Variants in PKHD1 observed in about 807,000 individuals in gnomAD.
PKHD1 encodes the protein PKHD1 ciliary IPT domain containing fibrocystin/polyductin.
In PKHD1, 291 loss-of-function variants were observed where a neutral mutation model predicts 412.0. The ratio of observed to expected loss-of-function variants is 0.71; its 90% CI spans 0.64 to 0.78. The LOEUF is 0.78. Ranked by LOEUF, PKHD1 falls within the 30% of genes least tolerant of loss-of-function variation. The pLI is 0.00. For synonymous variants in PKHD1, 1,777 were observed against 1,821.5 expected, an observed-to-expected ratio of 0.98 and a Z score of 0.62; for missense variants, 4,825 against 4,950.7, an observed-to-expected ratio of 0.97 and a Z score of 0.76.
chr6:51,868,496 G>A (rs1174771739), intron 47 of PKHD1, among the ~76,000 whole-genome samples: 2 of 152,118 alleles, frequency 1.3e-5, no homozygotes, highest in East Asian at 3.8e-4. Context: ...AACCAGAGAT[G>A]CTGCTAAATA....
At chr6:52,018,007 G>C (rs1303389419) in intron 33 of PKHD1, among the ~76,000 whole-genome samples, 2 of 152,102 alleles carry the variant, frequency 1.3e-5, no homozygotes, top group Non-Finnish European at 2.9e-5. Flanking sequence ...ACAAGAGATT[G>C]AGTTTTCCTT....
intron 40 of PKHD1, among the ~76,000 whole-genome samples, chr6:51,908,407 C>T (rs1015520386): frequency 6.6e-6 from 1 of 152,028 alleles, no homozygotes; most frequent in Non-Finnish European, 1.5e-5. Context: ...ACCTCTGAAC[C>T]CCTGGGGCAC....
At chr6:52,063,564 T>C (rs1173459499) in intron 13 of PKHD1, among the ~76,000 whole-genome samples, 3 of 152,236 alleles carry the variant, frequency 2.0e-5, no homozygotes, top group Non-Finnish European at 2.9e-5. Context: ...AGTAAGAGCA[T>C]ATTTTGAAAA....
chr6:52,048,491 C>A lies in PKHD1; in HGVS notation c.2407+1G>T. The A allele has an allele frequency of 6.2e-7, 1 of 1,614,016 alleles. No homozygotes were observed. Among genetic ancestry groups the A allele is most frequent in the Non-Finnish European group, 8.5e-7 (1 of 1,179,890 alleles). On this transcript the variant is annotated splice_donor_variant, in intron 23 of 66. Transcript: ENST00000371117. LOFTEE classifies it high-confidence loss of function. ...TGTTGCAACCCCAATCACCCCTTTA[C>A]CAGAAATCACTGTATTAGGAAGCTG...
chr6:52,018,844 C>A (rs1473671262), intron 33 of PKHD1, among the ~76,000 whole-genome samples: 3 of 152,172 alleles, frequency 2.0e-5, no homozygotes, highest in Non-Finnish European at 4.4e-5. Context: ...TGTTTGGTAA[C>A]AACTCATGTT....
intron 48 of PKHD1, among the ~76,000 whole-genome samples, chr6:51,866,863 A>T (rs9395735): frequency 0.4 from 61,090 of 151,874 alleles, 13,483 homozygotes; most frequent in East Asian, 0.85. Context: ...ATATATCCCT[A>T]CATATTATTA....
chr6:51,793,908 C>T (rs1397874537), intron 52 of PKHD1, among the ~76,000 whole-genome samples: 3 of 152,136 alleles, frequency 2.0e-5, no homozygotes, highest in African/African-American at 4.8e-5. Context: ...ATTGCTGGGT[C>T]GAATGGTATT....
At chr6:52,047,658 C>T (rs756869708) in intron 23 of PKHD1, among the ~76,000 whole-genome samples, 22 of 152,150 alleles carry the variant, frequency 1.4e-4, no homozygotes, top group Non-Finnish European at 2.8e-4. Context: ...CTAACTCTGA[C>T]GGACCATGGC....
intron 53 of PKHD1, among the ~76,000 whole-genome samples, chr6:51,783,342 T>C (rs1792327969): frequency 7.2e-6 from 1 of 138,904 alleles, no homozygotes; most frequent in African/African-American, 2.6e-5. Flanking sequence ...ATTTTTACAA[T>C]ACAAATAAAT....
At chr6:51,979,346 C>T (rs1414368223) in intron 35 of PKHD1, among the ~76,000 whole-genome samples, 1 of 152,080 alleles carries the variant, frequency 6.6e-6, no homozygotes, top group Non-Finnish European at 1.5e-5. Flanking sequence ...TATTGCAGCA[C>T]TTGGTACATG....
intron 60 of PKHD1, among the ~76,000 whole-genome samples, chr6:51,672,144 A>G (rs1004867286): frequency 6.6e-6 from 1 of 152,180 alleles, no homozygotes; most frequent in Non-Finnish European, 1.5e-5. Context: ...TGTTCATAAC[A>G]CAGTGTGACC....
At chr6:51,645,638 G>A (rs1018626599) in intron 63 of PKHD1, among the ~76,000 whole-genome samples, 3 of 152,038 alleles carry the variant, frequency 2.0e-5, no homozygotes, top group African/African-American at 7.2e-5. Context: ...AAGTGATCCA[G>A]CCACCTTAGC....
intron 60 of PKHD1, among the ~76,000 whole-genome samples, chr6:51,690,344 A>T (rs1778009724): frequency 6.6e-6 from 1 of 151,810 alleles, no homozygotes; most frequent in Non-Finnish European, 1.5e-5. Context: ...ACCAAAAAAG[A>T]GATCGAATAG....
At chr6:51,742,863 T>C (rs1266277910) in intron 60 of PKHD1, among the ~76,000 whole-genome samples, 1 of 152,170 alleles carries the variant, frequency 6.6e-6, no homozygotes, top group African/African-American at 2.4e-5. Context: ...TTATTTTAGA[T>C]AGGGTGGTCA....
At chr6:51,950,220 A>AAAAAAAAAAAAAAAAAATATAT in intron 36 of PKHD1, among the ~76,000 whole-genome samples, 62 of 98,242 alleles carry the variant, frequency 6.3e-4, no homozygotes, top group African/African-American at 2.1e-3. Flanking sequence ...GAAAAAAAAA[A>AAAAAAAAAAAAAAAAAATATAT]ATATATATAT....
At chr6:51,912,060 A>C in intron 38 of PKHD1, 104 bp from the exon 39 acceptor site, 1 of 945,264 alleles carries the variant, frequency 1.1e-6, no homozygotes. Flanking sequence ...GGATCTATTC[A>C]TGTTTCTTTA....
chr6:51,836,903 T>C (rs1769331798), intron 50 of PKHD1, among the ~76,000 whole-genome samples: 1 of 152,176 alleles, frequency 6.6e-6, no homozygotes, highest in Non-Finnish European at 1.5e-5. Context: ...TCCAAACAAA[T>C]TGTCCTTTTA....
At chr6:52,030,798 C>T (rs191116732) in intron 29 of PKHD1, among the ~76,000 whole-genome samples, 10 of 152,216 alleles carry the variant, frequency 6.6e-5, no homozygotes, top group Admixed American at 6.5e-4. Flanking sequence ...ATTTTATAGC[C>T]CCAGGGTTTT....
At chr6:52,045,447 C>A (rs1240577214) in intron 24 of PKHD1, among the ~76,000 whole-genome samples, 3 of 152,188 alleles carry the variant, frequency 2.0e-5, no homozygotes, top group East Asian at 1.9e-4. Flanking sequence ...AGAGCAAGGT[C>A]TCCCATTCTT....
Sources: allele counts gnomAD v4.1 joint callset (sites outside exome capture counted in the v4.1 genomes callset), GRCh38; gene constraint gnomAD v4.1.1; transcripts MANE v1.5; gene names NCBI Gene and HGNC (gene_info 2026-07-23, HGNC 2026-07-21).